The following COL27A1 variants were observed in gnomAD, a reference collection of about 807,000 sequenced individuals.
The protein encoded by COL27A1 is collagen alpha-1(XXVII) chain.
A neutral mutation model predicts 251.3 loss-of-function variants in COL27A1; 106 were observed. The ratio of observed to expected loss-of-function variants is 0.42; its 90% CI spans 0.36 to 0.50. The LOEUF (loss-of-function observed/expected upper bound fraction) is 0.50. Ranked by LOEUF, COL27A1 falls within the 20% of genes least tolerant of loss-of-function variation. The pLI, the probability that COL27A1 is intolerant of heterozygous loss-of-function variation, is 0.00. For synonymous variants in COL27A1, 1,000 were observed against 986.3 expected (o/e 1.01, Z -0.26); for missense variants, 2,325 against 2,522.8 (o/e 0.92, Z 1.68).
intron 7 of COL27A1, among the ~76,000 whole-genome samples, chr9:114,202,503 G>A (rs1033871615): frequency 6.6e-6 from 1 of 152,192 alleles, no homozygotes; most frequent in South Asian, 2.1e-4. Context: ...TAATCTGCAA[G>A]CTCCAGGTGG....
At chr9:114,224,522 A>G (rs1831333085) in intron 14 of COL27A1, among the ~76,000 whole-genome samples, 1 of 152,210 alleles carries the variant, frequency 6.6e-6, no homozygotes, top group South Asian at 2.1e-4. Flanking sequence ...CATCCTTGGC[A>G]CATGTTCCTA....
At chr9:114,284,903 G>A in intron 41 of COL27A1, 126 bp downstream of exon 41, 2 of 1,001,684 alleles carry the variant, frequency 2.0e-6, no homozygotes, top group South Asian at 1.4e-5. Context: ...CTCACCCCCT[G>A]CAGCAGCCGA....
chr9:114,308,505 T>C (rs1281622869), intron 59 of COL27A1, among the ~76,000 whole-genome samples: 1 of 152,080 alleles, frequency 6.6e-6, no homozygotes, highest in Non-Finnish European at 1.5e-5. Flanking sequence ...CTTTGTTGGG[T>C]CCCTATCATG....
chr9:114,222,308 G>A (rs752556597), intron 14 of COL27A1, 41 bp downstream of exon 14: 45 of 1,586,790 alleles, frequency 2.8e-5, no homozygotes, highest in Non-Finnish European at 2.6e-6. Flanking sequence ...GGGTGTTGAG[G>A]AGACTCAGGG....
intron 52 of COL27A1, 73 bp downstream of exon 52, chr9:114,301,198 C>T (rs1057354965): frequency 6.2e-7 from 1 of 1,609,848 alleles, no homozygotes; most frequent in South Asian, 1.1e-5. Flanking sequence ...CTCTGTGACT[C>T]AGTGCCAGTC....
intron 3 of COL27A1, among the ~76,000 whole-genome samples, chr9:114,178,057 C>T (rs1023278035): frequency 6.6e-6 from 1 of 152,138 alleles, no homozygotes; most frequent in Non-Finnish European, 1.5e-5. Context: ...AGGTGACACC[C>T]TAAGTTAGCT....
chr9:114,276,099 A>G (rs1284167381), intron 37 of COL27A1, among the ~76,000 whole-genome samples: 1 of 152,100 alleles, frequency 6.6e-6, no homozygotes, highest in Non-Finnish European at 1.5e-5. Context: ...GGGCCTTTGC[A>G]TGTGCTCTGT....
intron 25 of COL27A1, among the ~76,000 whole-genome samples, chr9:114,251,665 A>G (rs1460680472): frequency 6.6e-6 from 1 of 152,090 alleles, no homozygotes; most frequent in East Asian, 1.9e-4. Flanking sequence ...GTCCCTTCTC[A>G]CCTACAAACC....
intron 24 of COL27A1, among the ~76,000 whole-genome samples, chr9:114,249,524 C>T (rs77339307): frequency 0.018 from 2,752 of 152,286 alleles, 106 homozygotes; most frequent in African/African-American, 0.063. Flanking sequence ...ACAACCAGAG[C>T]GGACATCCCA....
intron 12 of COL27A1, among the ~76,000 whole-genome samples, chr9:114,216,944 T>C (rs568754155): frequency 1.3e-5 from 2 of 152,306 alleles, no homozygotes; most frequent in South Asian, 4.1e-4. Flanking sequence ...TGTCCAGTTG[T>C]AGCTAAGAGA....
chr9:114,165,726 A>G lies in COL27A1; in HGVS notation c.134-1963A>G, dbSNP rs1391591271. 2.0e-5 allele frequency among the ~76,000 whole-genome samples: 3 copies of G among 149,512 alleles called. No individual in the cohort carries two copies. In the East Asian group the frequency reaches 6.0e-4, roughly 30 times the overall value. On this transcript the variant is annotated intron_variant, in intron 2 of 60. Coordinates refer to ENST00000356083, the MANE Select transcript of COL27A1 (RefSeq NM_032888.4). ...CATCCATCCATTCATCCATTTATCT[A>G]TTCATTCGTCCATTATACATCCATC...
chr9:114,181,006 T>C (rs1588602769), intron 4 of COL27A1, among the ~76,000 whole-genome samples: 1 of 152,108 alleles, frequency 6.6e-6, no homozygotes, highest in South Asian at 2.1e-4. Context: ...CAGGAACCCC[T>C]CCTTGAACAC....
intron 5 of COL27A1, among the ~76,000 whole-genome samples, chr9:114,188,014 C>T (rs1169655558): frequency 6.6e-6 from 1 of 152,152 alleles, no homozygotes; most frequent in Non-Finnish European, 1.5e-5. Flanking sequence ...TGGGGATTAG[C>T]CTGGGAGGGT....
intron 7 of COL27A1, among the ~76,000 whole-genome samples, chr9:114,200,393 A>G (rs1829481480): frequency 6.6e-6 from 1 of 152,222 alleles, no homozygotes; most frequent in African/African-American, 2.4e-5. Flanking sequence ...TTTAATGCCC[A>G]CATCCCCTTG....
chr9:114,207,071 A>G (rs1021952861), intron 10 of COL27A1, among the ~76,000 whole-genome samples: 4 of 152,218 alleles, frequency 2.6e-5, no homozygotes, highest in Admixed American at 1.3e-4. Flanking sequence ...CTGCACGCCT[A>G]AGGCGGATCT....
At chr9:114,208,778 G>T (rs558151113) in intron 10 of COL27A1, among the ~76,000 whole-genome samples, 4 of 152,170 alleles carry the variant, frequency 2.6e-5, no homozygotes, top group East Asian at 1.9e-4. Context: ...CTGGGGATGG[G>T]GGGGAGAGAT....
chr9:114,198,161 T>G (rs1043196213), intron 7 of COL27A1, among the ~76,000 whole-genome samples: 2 of 152,228 alleles, frequency 1.3e-5, no homozygotes, highest in African/African-American at 4.8e-5. Context: ...ATTTTTGTCA[T>G]TCTGAGGCAA....
chr9:114,269,434 C>A, intron 35 of COL27A1, 140 bp downstream of exon 35: 1 of 565,844 alleles, frequency 1.8e-6, no homozygotes, highest in Non-Finnish European at 3.1e-6. Flanking sequence ...ACAGCCTCGC[C>A]CAGTCTCTCT....
intron 32 of COL27A1, 46 bp downstream of exon 32, chr9:114,265,521 C>G: frequency 6.3e-7 from 1 of 1,589,754 alleles, no homozygotes; most frequent in South Asian, 1.1e-5. Flanking sequence ...CCGCTGGCAC[C>G]TGGGGGTGTG....
Sources: gnomAD v4.1 joint callset for allele counts (sites outside exome capture counted in the v4.1 genomes callset) on GRCh38, gnomAD v4.1.1 for gene constraint, MANE v1.5 for transcripts, NCBI Gene and HGNC (gene_info 2026-07-23, HGNC 2026-07-21) for gene names.